The following ZFP64 variants were observed in gnomAD, a reference collection of about 807,000 sequenced individuals.
The protein encoded by ZFP64 is ZFP64 zinc finger protein.
ZFP64 carries 14 observed loss-of-function variants against 51.6 expected under a neutral mutation model. The ratio of observed to expected loss-of-function variants is 0.27; its 90% CI spans 0.18 to 0.42. The LOEUF (loss-of-function observed/expected upper bound fraction) is 0.42, where lower values mean the gene tolerates loss of function less well. Ranked by LOEUF, ZFP64 falls within the 10% of genes least tolerant of loss-of-function variation. The probability of loss-of-function intolerance (pLI) is 1.00; values close to 1 mark genes in which losing one functional copy is unlikely to be tolerated. For missense variants in ZFP64, 754 were observed against 906.8 expected, an observed-to-expected ratio of 0.83 and a Z score of 2.16; for synonymous variants, 375 against 361.4, an observed-to-expected ratio of 1.04 and a Z score of -0.43.
At chr20:52,190,069 A>G (rs1030680428) in intron 1 of ZFP64, among the ~76,000 whole-genome samples, 4 of 152,212 alleles carry the variant, frequency 2.6e-5, no homozygotes, top group Admixed American at 2.6e-4. Flanking sequence ...CTGTTCAGAA[A>G]TACAGTTTGG....
chr20:52,142,605 G>A (rs1980328018), intron 5 of ZFP64, among the ~76,000 whole-genome samples: 1 of 151,812 alleles, frequency 6.6e-6, no homozygotes, highest in Non-Finnish European at 1.5e-5. Flanking sequence ...ACTTTGGGAG[G>A]CTGAGGCGGG....
intron 2 of ZFP64, among the ~76,000 whole-genome samples, chr20:52,166,270 A>C (rs1371616480): frequency 6.6e-6 from 1 of 152,040 alleles, no homozygotes; most frequent in Non-Finnish European, 1.5e-5. Context: ...TGGGCAGGGC[A>C]GATGGTAAAA....
At chr20:52,118,225 C>A (rs1204513883) in intron 5 of ZFP64, among the ~76,000 whole-genome samples, 1 of 151,232 alleles carries the variant, frequency 6.6e-6, no homozygotes, top group Non-Finnish European at 1.5e-5. Context: ...CCACACCCCA[C>A]CCACCCCTTC....
rs561596072 is a variant in ZFP64, at chr20:52,162,555, A to G, written c.511+2140T>C. Among the ~76,000 whole-genome samples the G allele has an allele frequency of 9.9e-5, 15 of 152,098 alleles. No homozygotes were observed. In the South Asian group the frequency reaches 2.9e-3, roughly 29 times the overall value. On this transcript the variant is annotated intron_variant, in intron 4 of 5. Transcript: ENST00000216923. ...GGCAGGAGAATGATATGAACCCGGG[A>G]GGCAGAGCTTGCAGTGAACCAAGAT...
chr20:52,122,015 T>C (rs1568664704), intron 5 of ZFP64, among the ~76,000 whole-genome samples: 2 of 152,184 alleles, frequency 1.3e-5, no homozygotes, highest in East Asian at 1.9e-4. Flanking sequence ...CATGGTTTAC[T>C]GAATATTTAA....
chr20:52,097,221 T>C, intron 7 of ZFP64: 1 of 885,738 alleles, frequency 1.1e-6, no homozygotes, highest in Non-Finnish European at 1.9e-6. Flanking sequence ...GTCACAGCCC[T>C]TTTGCTCCTT....
chr20:52,161,972 G>T (rs929566251), intron 4 of ZFP64, among the ~76,000 whole-genome samples: 3 of 152,076 alleles, frequency 2.0e-5, no homozygotes, highest in Admixed American at 6.6e-5. Context: ...TAAATATTTG[G>T]GATTTAAGAA....
chr20:52,181,043 A>G (rs61210938), intron 2 of ZFP64, among the ~76,000 whole-genome samples: 11,961 of 152,170 alleles, frequency 0.079, 536 homozygotes, highest in Non-Finnish European at 0.1. Context: ...CCCAGGTTCA[A>G]GCGATTCTCC....
In ZFP64 at chr20:52,085,879, G is replaced by C. The variant is rs1222648570; in HGVS notation, c.1229-613C>G. On this transcript the variant is annotated intron_variant, in intron 8 of 8. Coordinates refer to the ZFP64 transcript ENST00000361387. The surrounding 1 kb of genome is among the most constrained non-coding windows in gnomAD (Gnocchi z 4.3). The stretch of plus-strand genomic sequence containing the variant: ...CCCATTCCCTGGAGACATTGCTAAG[G>C]GTTTCTAGTTGTTTTTGAGGTTGCT... 6.6e-6 allele frequency among the ~76,000 whole-genome samples: 1 copy of C among 152,142 alleles called. No individual in the cohort carries two copies. The highest frequency in any genetic ancestry group is 1.5e-5 in the Non-Finnish European group (1 of 68,016).
chr20:52,156,927 G>A (rs1981368676), intron 5 of ZFP64, among the ~76,000 whole-genome samples: 1 of 152,142 alleles, frequency 6.6e-6, no homozygotes, highest in Admixed American at 6.5e-5. Context: ...AAGACTACAA[G>A]AAAGAGACAA....
intron 5 of ZFP64, chr20:52,110,922 C>G: frequency 6.3e-7 from 1 of 1,591,802 alleles, no homozygotes; most frequent in South Asian, 1.1e-5. Flanking sequence ...TGAACTCATC[C>G]TGCTTCTCAC....
intron 7 of ZFP64, among the ~76,000 whole-genome samples, chr20:52,094,710 G>T (rs1031845276): frequency 6.6e-6 from 1 of 152,062 alleles, no homozygotes; most frequent in Non-Finnish European, 1.5e-5. Flanking sequence ...TCCAGCCTGG[G>T]TGACAGAGCA....
chr20:52,140,341 G>T (rs1464088463), intron 5 of ZFP64, among the ~76,000 whole-genome samples: 1 of 152,246 alleles, frequency 6.6e-6, no homozygotes, highest in African/African-American at 2.4e-5. Context: ...CAGGCTGAAA[G>T]CTGGGCCTTT....
chr20:52,103,886 A>C (rs2079080447), intron 5 of ZFP64, among the ~76,000 whole-genome samples: 1 of 152,204 alleles, frequency 6.6e-6, no homozygotes, highest in Admixed American at 6.5e-5. Flanking sequence ...TGGAGGCTTC[A>C]TTAAACTACT....
chr20:52,154,273 C>G (rs1006411871), intron 5 of ZFP64, among the ~76,000 whole-genome samples: 1 of 152,170 alleles, frequency 6.6e-6, no homozygotes, highest in Non-Finnish European at 1.5e-5. Flanking sequence ...GAGCACTCCA[C>G]AAGCATGGTC....
chr20:52,189,131 AT>A (rs1984188709), intron 1 of ZFP64, among the ~76,000 whole-genome samples: 2 of 152,168 alleles, frequency 1.3e-5, no homozygotes, highest in South Asian at 2.1e-4. Flanking sequence ...GTTGCGTAAG[AT>A]GGCTCACGCC....
chr20:52,117,883 C>G (rs903374027), intron 5 of ZFP64, among the ~76,000 whole-genome samples: 1 of 151,998 alleles, frequency 6.6e-6, no homozygotes, highest in Non-Finnish European at 1.5e-5. Flanking sequence ...GCAGTCTCAA[C>G]CCCCCAGCCT....
At chr20:52,098,328 T>C (rs1371950130) in intron 6 of ZFP64, 2 of 1,460,352 alleles carry the variant, frequency 1.4e-6, no homozygotes, top group Non-Finnish European at 1.9e-6. Context: ...GATACTGGCA[T>C]GTTGTCAGCA....
At chr20:52,190,513 A>G (rs1324657401) in intron 1 of ZFP64, among the ~76,000 whole-genome samples, 1 of 152,118 alleles carries the variant, frequency 6.6e-6, no homozygotes, top group Non-Finnish European at 1.5e-5. Flanking sequence ...ATGAGAATTA[A>G]ATGGGATGGT....
Sources: allele counts gnomAD v4.1 joint callset (sites outside exome capture counted in the v4.1 genomes callset), GRCh38; gene constraint gnomAD v4.1.1; non-coding constraint Gnocchi (gnomAD v3.1); transcripts MANE v1.5; gene names NCBI Gene and HGNC (gene_info 2026-07-23, HGNC 2026-07-21).